Variants in UQCC6 observed in about 807,000 individuals in gnomAD.
UQCC6 encodes protein BRAWNIN.
chr12:103,964,975 C>A, the UQCC6 span, among the ~76,000 whole-genome samples: 4 of 152,184 alleles, frequency 2.6e-5, no homozygotes, highest in Non-Finnish European at 5.9e-5. Flanking sequence ...CATCTCCCAG[C>A]TCACAGATCA....
chr12:103,964,506 CAG>C, the UQCC6 span, among the ~76,000 whole-genome samples: 2 of 152,196 alleles, frequency 1.3e-5, no homozygotes, highest in Admixed American at 1.3e-4. Flanking sequence ...GGACCCAGCA[CAG>C]CAACCCACAG....
At chr12:103,954,420 T>G in the UQCC6 span, among the ~76,000 whole-genome samples, 1 of 152,230 alleles carries the variant, frequency 6.6e-6, no homozygotes, top group Admixed American at 6.5e-5. Flanking sequence ...TTTTAACTCA[T>G]GGCAGAAGGC....
chr12:103,950,235 T>A, the UQCC6 span: 1 of 152,184 alleles, frequency 6.6e-6, no homozygotes, highest in Non-Finnish European at 1.5e-5. Flanking sequence ...TTAATGCATA[T>A]ATGTTACAGA....
chr12:103,958,020 A>G, the UQCC6 span, among the ~76,000 whole-genome samples: 2 of 145,208 alleles, frequency 1.4e-5, no homozygotes, highest in Admixed American at 7.0e-5. Context: ...TTTTTAATAT[A>G]TATTTATATA....
the UQCC6 span, among the ~76,000 whole-genome samples, chr12:103,959,614 AG>A: frequency 6.6e-6 from 1 of 151,812 alleles, no homozygotes; most frequent in Non-Finnish European, 1.5e-5. Context: ...CGGGAGGCTG[AG>A]GCAGGAGAAT....
At chr12:103,956,727 G>GC in the UQCC6 span, 1 of 1,551,268 alleles carries the variant, frequency 6.4e-7, no homozygotes, top group Non-Finnish European at 8.7e-7. Context: ...ACATGGGCAC[G>GC]CCCGCGGGCA....
the UQCC6 span, chr12:103,965,394 T>C: frequency 6.6e-6 from 1 of 152,194 alleles, no homozygotes; most frequent in Non-Finnish European, 1.5e-5. Context: ...AGCTTTACAT[T>C]TTACATAGCA....
the UQCC6 span, chr12:103,956,817 G>A: frequency 1.0e-6 from 1 of 974,378 alleles, no homozygotes. Context: ...GGGCTGAGGC[G>A]CTCCAGCCAG....
At chr12:103,962,912 G>C in the UQCC6 span, among the ~76,000 whole-genome samples, 1 of 152,192 alleles carries the variant, frequency 6.6e-6, no homozygotes, top group Non-Finnish European at 1.5e-5. Context: ...TGCCTGCCCT[G>C]TGTCATGCAT....
At chr12:103,964,714 C>T in the UQCC6 span, among the ~76,000 whole-genome samples, 5 of 152,156 alleles carry the variant, frequency 3.3e-5, no homozygotes, top group Non-Finnish European at 7.3e-5. Context: ...AGACGATGGT[C>T]CTGAGCCATT....
chr12:103,961,484 A>T, the UQCC6 span, among the ~76,000 whole-genome samples: 1 of 152,230 alleles, frequency 6.6e-6, no homozygotes, highest in South Asian at 2.1e-4. Context: ...AGTTCTGCAA[A>T]CTCCATTCAT....
chr12:103,951,634 C>CA, the UQCC6 span: 448,271 of 1,424,372 alleles, frequency 0.31, 66,229 homozygotes, highest in African/African-American at 0.55. Context: ...GTATTGTCTG[C>CA]AAAAAAAACA....
chr12:103,955,015 A>C, the UQCC6 span: 1 of 695,972 alleles, frequency 1.4e-6, no homozygotes, highest in Non-Finnish European at 2.6e-6. Context: ...CAATTAACTG[A>C]TGTTAAAAAT....
the UQCC6 span, among the ~76,000 whole-genome samples, chr12:103,962,467 G>A: frequency 2.0e-5 from 3 of 152,040 alleles, no homozygotes; most frequent in Admixed American, 6.5e-5. Context: ...TGTGAGGCAG[G>A]AGGTGCGACT....
chr12:103,955,576 G>C, the UQCC6 span: 1 of 340,552 alleles, frequency 2.9e-6, no homozygotes, highest in Non-Finnish European at 5.8e-6. Context: ...TGAGGCTGCG[G>C]TGAGCTGATT....
At chr12:103,953,907 T>G in the UQCC6 span, among the ~76,000 whole-genome samples, 1 of 152,208 alleles carries the variant, frequency 6.6e-6, no homozygotes, top group Admixed American at 6.5e-5. Context: ...TGATGTCTAT[T>G]CCTGCACAAG....
chr12:103,958,623 C>T, the UQCC6 span, among the ~76,000 whole-genome samples: 5 of 152,164 alleles, frequency 3.3e-5, no homozygotes, highest in Admixed American at 1.3e-4. Flanking sequence ...CACATTGTTG[C>T]ATGTCTTAGT....
chr12:103,964,197 G>C, the UQCC6 span, among the ~76,000 whole-genome samples: 5 of 133,774 alleles, frequency 3.7e-5, no homozygotes, highest in Non-Finnish European at 6.1e-5. Flanking sequence ...CTGTAGCCCA[G>C]GCTGGAGGGC....
At chr12:103,961,315 TAA>T in the UQCC6 span, among the ~76,000 whole-genome samples, 3 of 152,214 alleles carry the variant, frequency 2.0e-5, no homozygotes, top group Non-Finnish European at 4.4e-5. Flanking sequence ...AAAAAGTCTA[TAA>T]AGTTACAGAA....
Sources: gnomAD v4.1 joint callset for allele counts (sites outside exome capture counted in the v4.1 genomes callset) on GRCh38, gnomAD v4.1.1 for gene constraint, MANE v1.5 for transcripts, NCBI Gene and HGNC (gene_info 2026-07-23, HGNC 2026-07-21) for gene names.